UTP25: variants seen among roughly 807,000 people sequenced by gnomAD.
UTP25 encodes U3 small nucleolar RNA-associated protein 25 homolog.
Under a neutral mutation model 78.9 loss-of-function variants are expected in UTP25, and 50 were observed. The ratio of observed to expected loss-of-function variants is 0.63; its 90% CI spans 0.50 to 0.80. The LOEUF is 0.80. Among genes scored for constraint, UTP25 ranks in the 30% least tolerant of loss-of-function variants. The pLI is 0.00. For synonymous variants in UTP25, 329 were observed against 336.5 expected (o/e 0.98, Z 0.24); for missense variants, 846 against 911.3 (o/e 0.93, Z 0.92).
chr1:209,837,580 C>T (rs1397028006), intron 6 of UTP25, among the ~76,000 whole-genome samples: 3 of 152,142 alleles, frequency 2.0e-5, no homozygotes, highest in South Asian at 2.1e-4. Context: ...CTGTGGACAA[C>T]CCCAAATTCG....
chr1:209,843,409 T>G (rs1228083406), intron 10 of UTP25, 42 bp from the exon 11 acceptor site: 5 of 1,606,572 alleles, frequency 3.1e-6, no homozygotes, highest in Non-Finnish European at 4.3e-6. Flanking sequence ...ACCATAAGCT[T>G]AGCTCTAGAC....
intron 10 of UTP25, 31 bp from the exon 11 acceptor site, chr1:209,843,420 A>G: frequency 1.9e-6 from 3 of 1,611,256 alleles, no homozygotes; most frequent in Non-Finnish European, 2.5e-6. Flanking sequence ...AGCTCTAGAC[A>G]TTAATTTTGC....
intron 1 of UTP25, 79 bp downstream of exon 1, chr1:209,828,249 C>A: frequency 9.6e-7 from 1 of 1,041,484 alleles, no homozygotes; most frequent in Non-Finnish European, 1.4e-6. Flanking sequence ...CCAGATAGTG[C>A]TGCTCCGGCC....
intron 11 of UTP25, among the ~76,000 whole-genome samples, chr1:209,845,347 T>C (rs1211550074): frequency 2.0e-5 from 3 of 152,198 alleles, no homozygotes; most frequent in Non-Finnish European, 4.4e-5. Flanking sequence ...TTTGGGGAAG[T>C]TGCACTCATC....
rs1315349808 is a variant in UTP25, at chr1:209,851,477, C to T, written c.*30C>T. 1 of 1,582,082 alleles carries T rather than the reference C, an allele frequency of 6.3e-7. No homozygotes were observed. Among genetic ancestry groups the T allele is most frequent in the Admixed American group, 1.8e-5 (1 of 56,414 alleles). On this transcript the variant is annotated 3_prime_UTR_variant, in exon 12 of 12. Coordinates refer to ENST00000491415, the MANE Select transcript of UTP25 (RefSeq NM_014388.7). ...TTGTTGGGCAGGAAGTGGTATTTGG[C>T]ATGATACATAATGTTTGATTCTATG...
Position 209,842,380 on chromosome 1 carries a change from T to G in UTP25, c.1601T>G (p.Phe534Cys), listed in dbSNP as rs201510772. Residue 534 changes from phenylalanine to cysteine, a missense_variant, in exon 9 of 12, where the codon TTT becomes TGT. Transcript: ENST00000491415. Reference sequence around the variant, plus strand: ...AAGTACTATCGCCAGACACTGCTATTTGGGGCCCTTCAGGATGCCCAGATC... The same window carrying G: ...AAGTACTATCGCCAGACACTGCTATGTGGGGCCCTTCAGGATGCCCAGATC... ...WSKYYRQTLL[F>C]GALQDAQINS... is the part of the protein sequence containing the mutation. 2 of 1,614,168 alleles carry G rather than the reference T, an allele frequency of 1.2e-6. No individual in the cohort carries two copies. Among genetic ancestry groups the G allele is most frequent in the Non-Finnish European group, 8.5e-7 (1 of 1,179,996 alleles).
chr1:209,835,005 T>G (rs2078125282), intron 4 of UTP25, 70 bp from the exon 5 acceptor site: 3 of 1,233,608 alleles, frequency 2.4e-6, no homozygotes, highest in Non-Finnish European at 2.3e-6. Flanking sequence ...CAACATGTCT[T>G]TCACAGGGGA....
In UTP25 at chr1:209,851,634, T is replaced by C. The variant is rs2078239479; in HGVS notation, c.*187T>C. 1 of 695,282 alleles carries C rather than the reference T, an allele frequency of 1.4e-6. No homozygotes were observed. Among genetic ancestry groups the C allele is most frequent in the East Asian group, 3.2e-5 (1 of 31,200 alleles). 43.1% of individuals were successfully genotyped at this position (695,282 alleles called of 1,614,324 possible). On this transcript the variant is annotated 3_prime_UTR_variant, in exon 12 of 12. Transcript: ENST00000491415. ...CCTGAAAAGTTAAATGTAAACCAGA[T>C]TTTGGTAAATCCCATCTTTCAGAAG...
chr1:209,839,627 C>T (rs1030338716), intron 7 of UTP25, among the ~76,000 whole-genome samples: 2 of 152,218 alleles, frequency 1.3e-5, no homozygotes, highest in Non-Finnish European at 2.9e-5. Flanking sequence ...TCTCATTCAG[C>T]TCCCATTGAC....
chr1:209,830,419 G>C (rs1448549194), intron 2 of UTP25, among the ~76,000 whole-genome samples: 1 of 151,792 alleles, frequency 6.6e-6, no homozygotes, highest in Non-Finnish European at 1.5e-5. Context: ...AATCCTAAGA[G>C]GGAATATCTT....
Position 209,851,440 on chromosome 1 carries a change from A to G in UTP25, c.2264A>G (p.Glu755Gly). 2 of 1,601,740 alleles carry G rather than the reference A, an allele frequency of 1.2e-6. No homozygotes were observed. ...AATGTCCACCTCTTCATTACTGGAG[A>G]AAAATGAAATTTTGTTGGGCAGGAA... ...NKNVHLFITG[E>G]K The change falls in exon 12 of 12, where the codon GAA (glutamate) becomes GGA (glycine). Residue 755 changes from glutamate (E) to glycine (G), a missense_variant. Transcript: ENST00000491415.
rs372518353 is a variant in UTP25 at position 209,839,091 on chromosome 1, C to T, written c.1245C>T (p.Ala415=). 221 of 1,613,494 alleles carry T rather than the reference C, an allele frequency of 1.4e-4. No individual in the cohort carries two copies. In the Admixed American group the frequency reaches 2.0e-3, roughly 15 times the overall value. ...PNLKRPEDYE[A]VFVGNIDDHF... ...TGAAGAGGCCTGAGGATTATGAAGC[C>T]GTATTTGTGGGCAATATTGATGACC... The change falls in exon 7 of 12, where the codon GCC becomes GCT. Residue 415 remains alanine (A), a synonymous_variant. Transcript: ENST00000491415.
intron 11 of UTP25, among the ~76,000 whole-genome samples, chr1:209,848,639 C>G (rs1244757019): frequency 6.6e-6 from 1 of 152,208 alleles, no homozygotes. Context: ...CACTTATTTG[C>G]TCCTTTGCAT....
intron 11 of UTP25, chr1:209,844,021 C>G: frequency 4.0e-6 from 1 of 249,730 alleles, no homozygotes; most frequent in African/African-American, 2.2e-5. Flanking sequence ...AGGGACCTTC[C>G]CTGTATTCAC....
rs1572011907 is a variant in UTP25 at position 209,854,039 on chromosome 1, A to C, written c.*2592A>C. ...TGGAGTCTCTGCAATGGTTTTATTA[A>C]AAGGATGCCTTGAAGATCTGGTCTC... On this transcript the variant is annotated 3_prime_UTR_variant, in exon 12 of 12. Transcript: ENST00000491415. 6.6e-6 allele frequency: 1 copy of C among 152,192 alleles called. No homozygotes were observed. Among genetic ancestry groups the C allele is most frequent in the African/African-American group, 2.4e-5 (1 of 41,444 alleles). The allele number at this position is 152,192 out of a possible 1,614,324, so 9.4% of individuals were successfully genotyped here.
chr1:209,831,048 G>A lies in UTP25; in HGVS notation c.388+5G>A, dbSNP rs751818877. On this transcript the variant is annotated splice_donor_5th_base_variant and intron_variant, in intron 3 of 11. Coordinates refer to ENST00000491415, the MANE Select transcript of UTP25 (RefSeq NM_014388.7). ...AGTCTACTGAAAGTCCAGAGAGTAAGTGTCTTTACTATAGGCTCATCATCT... is the reference window on the plus strand; with the variant it reads ...AGTCTACTGAAAGTCCAGAGAGTAAATGTCTTTACTATAGGCTCATCATCT... 1 of 1,614,054 alleles carries A rather than the reference G, an allele frequency of 6.2e-7. No individual in the cohort carries two copies. Among genetic ancestry groups the A allele is most frequent in the Non-Finnish European group, 8.5e-7 (1 of 1,179,950 alleles).
intron 1 of UTP25, 38 bp downstream of exon 1, chr1:209,828,208 G>C (rs774314318): frequency 1.3e-6 from 2 of 1,522,102 alleles, no homozygotes; most frequent in South Asian, 1.1e-5. Flanking sequence ...AGTCGCCAGA[G>C]ATGTATCCTC....
At chr1:209,828,256 G>A in intron 1 of UTP25, 86 bp downstream of exon 1, 1 of 1,019,316 alleles carries the variant, frequency 9.8e-7, no homozygotes, top group South Asian at 1.4e-5. Context: ...GTGCTGCTCC[G>A]GCCTTTTCCC....
Position 209,840,982 on chromosome 1 carries a change from T to C in UTP25, c.1412T>C (p.Phe471Ser), listed in dbSNP as rs1389943184. The change falls in exon 8 of 12, where the codon TTT (phenylalanine) becomes TCT (serine). Residue 471 changes from phenylalanine (F) to serine (S), a missense_variant. Phe to Ser is a radical substitution (Grantham distance 155). Coordinates refer to ENST00000491415, the MANE Select transcript of UTP25 (RefSeq NM_014388.7). ...GEGEKKRDFD[F>S]LSSIELLIID... ...GGAGAGAAGAAGAGAGATTTTGACT[T>C]TCTGTCTTCTATCGAGCTTCTCATC... is the stretch of plus-strand genomic sequence containing the variant. The C allele has an allele frequency of 6.2e-7, 1 of 1,614,112 alleles. No individual in the cohort carries two copies. The highest frequency in any genetic ancestry group is 2.2e-5 in the East Asian group (1 of 44,880).
Sources: allele counts gnomAD v4.1 joint callset (sites outside exome capture counted in the v4.1 genomes callset), GRCh38; gene constraint gnomAD v4.1.1; transcripts MANE v1.5; gene names NCBI Gene and HGNC (gene_info 2026-07-23, HGNC 2026-07-21).